The following PCDHGA6 variants were observed in gnomAD, a reference collection of about 807,000 sequenced individuals.
PCDHGA6 encodes protocadherin gamma subfamily A, 6, also known as protocadherin gamma-A6.
A neutral mutation model predicts 60.6 loss-of-function variants in PCDHGA6; 41 were observed. That is an observed-to-expected ratio of 0.68 (90% confidence interval 0.53 to 0.88). The LOEUF (loss-of-function observed/expected upper bound fraction) is 0.88. Ranked by LOEUF, PCDHGA6 falls within the 40% of genes least tolerant of loss-of-function variation. The pLI is 0.00. For missense variants in PCDHGA6, 1,312 were observed against 1,203.0 expected (o/e 1.09, Z -1.34); for synonymous variants, 594 against 524.4 (o/e 1.13, Z -1.81).
At chr5:141,475,992 C>A in intron 1 of PCDHGA6, 1 of 1,158,844 alleles carries the variant, frequency 8.6e-7, no homozygotes, top group Non-Finnish European at 1.2e-6. Context: ...GCGAGCAAAT[C>A]AACGGCATCC....
rs754728562 is a variant in PCDHGA6, at chr5:141,489,487, G to A, written c.2425-5320G>A. 6.2e-7 allele frequency: 1 copy of A among 1,613,942 alleles called. No individual in the cohort carries two copies. On this transcript the variant is annotated intron_variant, in intron 1 of 3. Coordinates refer to ENST00000517434, the MANE Select transcript of PCDHGA6 (RefSeq NM_018919.3). This position sits in a 1 kb window ranked among gnomAD's most constrained non-coding sequence, Gnocchi z 4.5. The stretch of plus-strand genomic sequence containing the variant: ...TTTTTCCCTGAGCTTGATGAGTGGT[G>A]CCCTGGCAGTGAATCAAAAGATTGA...
In PCDHGA6 at chr5:141,476,650, A is replaced by G. The variant is rs2099395609; in HGVS notation, c.2425-18157A>G. 6.2e-7 allele frequency: 1 copy of G among 1,614,126 alleles called. No individual in the cohort carries two copies. The highest frequency in any genetic ancestry group is 1.3e-5 in the African/African-American group (1 of 74,952). On this transcript the variant is annotated intron_variant, in intron 1 of 3. Transcript: ENST00000517434. This position sits in a 1 kb window ranked among gnomAD's most constrained non-coding sequence, Gnocchi z 7.6. Reference sequence around the variant, plus strand: ...AAACCTATGAGCTGAGCCGAAATGAATACTTTGCGCTTCGCGTGCAGACGC... The same window carrying G: ...AAACCTATGAGCTGAGCCGAAATGAGTACTTTGCGCTTCGCGTGCAGACGC...
chr5:141,404,736 A>G, intron 1 of PCDHGA6: 1 of 1,613,622 alleles, frequency 6.2e-7, no homozygotes, highest in Non-Finnish European at 8.5e-7. Context: ...GTGGCAGTGG[A>G]CAGAGACTCA....
At chr5:141,434,453 T>C (rs1172243323) in intron 1 of PCDHGA6, among the ~76,000 whole-genome samples, 1 of 152,226 alleles carries the variant, frequency 6.6e-6, no homozygotes, top group Non-Finnish European at 1.5e-5. Context: ...TGGAAGGTAG[T>C]GGGTTTACCG....
chr5:141,389,721 G>C (rs1477842058), intron 1 of PCDHGA6: 7 of 1,612,620 alleles, frequency 4.3e-6, no homozygotes, highest in Non-Finnish European at 5.1e-6. Context: ...TAGCGAGCCC[G>C]GGCTCTTCAG....
Position 141,490,743 on chromosome 5 carries a change from C to T in PCDHGA6, c.2425-4064C>T, listed in dbSNP as rs1011278142. 7.4e-6 allele frequency: 12 copies of T among 1,614,058 alleles called. No homozygotes were observed. The highest frequency in any genetic ancestry group is 1.0e-5 in the Non-Finnish European group (12 of 1,180,038). On this transcript the variant is annotated intron_variant, in intron 1 of 3. Transcript: ENST00000517434. This position sits in a 1 kb window ranked among gnomAD's most constrained non-coding sequence, Gnocchi z 5.4. ...TTGTAGGAAATCAGGTTCAGGGAGC[C>T]CCAGCCTCCTCCTTTGTGTATGTCA...
chr5:141,399,355 C>A (rs1437917208), intron 1 of PCDHGA6: 1 of 1,614,006 alleles, frequency 6.2e-7, no homozygotes, highest in South Asian at 1.1e-5. Flanking sequence ...AGACCGAGAG[C>A]AAACCCCGGA....
chr5:141,508,527 GCACC>G (rs2099869479), intron 3 of PCDHGA6, among the ~76,000 whole-genome samples: 1 of 152,104 alleles, frequency 6.6e-6, no homozygotes, highest in Non-Finnish European at 1.5e-5. Flanking sequence ...CAACCTCAGG[GCACC>G]CCCCACGAGG....
At position 141,383,035 on chromosome 5, in the gene PCDHGA6, G is replaced by A. The variant is rs550075608; in HGVS notation, c.2424+6528G>A. ...GGAGACGGACAAAGGGTCCTTTGTG[G>A]GAGACATCGCCAAGGACCTGGGGCT... On this transcript the variant is annotated intron_variant, in intron 1 of 3. Coordinates refer to ENST00000517434, the MANE Select transcript of PCDHGA6 (RefSeq NM_018919.3). 3.1e-6 allele frequency: 5 copies of A among 1,613,882 alleles called. No individual in the cohort carries two copies. In the South Asian group the frequency reaches 5.5e-5, roughly 18 times the overall value.
chr5:141,415,409 TG>T (rs763291157), intron 1 of PCDHGA6: 1 of 1,614,208 alleles, frequency 6.2e-7, no homozygotes, highest in Non-Finnish European at 8.5e-7. Context: ...TCGCACTTTG[TG>T]GGCGTGGACG....
intron 1 of PCDHGA6, chr5:141,410,252 C>T (rs3749768): frequency 0.048 from 77,060 of 1,613,996 alleles, 2,017 homozygotes; most frequent in South Asian, 0.077. Flanking sequence ...ACTCTCTGAC[C>T]CCCAGGCTGA....
intron 1 of PCDHGA6, among the ~76,000 whole-genome samples, chr5:141,484,544 A>G (rs1160398392): frequency 6.6e-6 from 1 of 152,144 alleles, no homozygotes; most frequent in Non-Finnish European, 1.5e-5. Flanking sequence ...CAGTGGTTCT[A>G]ATTAGCAGTT....
chr5:141,422,136 AGTACGGGG>A (rs772818860), intron 1 of PCDHGA6: 9 of 1,588,992 alleles, frequency 5.7e-6, no homozygotes, highest in Non-Finnish European at 7.7e-6. Flanking sequence ...GAGAAGTTCA[AGTACGGGG>A]GTCTCTGGAT....
intron 1 of PCDHGA6, among the ~76,000 whole-genome samples, chr5:141,466,826 G>A (rs978548667): frequency 1.2e-4 from 18 of 152,056 alleles, no homozygotes; most frequent in Admixed American, 8.5e-4. Flanking sequence ...TAACAAGTTA[G>A]TATGGGTTTA....
chr5:141,409,848 G>C (rs149920059), intron 1 of PCDHGA6: 7 of 1,611,904 alleles, frequency 4.3e-6, no homozygotes, highest in Non-Finnish European at 5.9e-6. Context: ...GTGAGCCTGC[G>C]CGTGTTGGTG....
chr5:141,481,362 A>G (rs2099536613), intron 1 of PCDHGA6, among the ~76,000 whole-genome samples: 1 of 152,252 alleles, frequency 6.6e-6, no homozygotes, highest in African/African-American at 2.4e-5. Context: ...CAGCTGTTCA[A>G]TAGATATTGG....
At chr5:141,459,568 CAG>C (rs930633590) in intron 1 of PCDHGA6, among the ~76,000 whole-genome samples, 1 of 152,152 alleles carries the variant, frequency 6.6e-6, no homozygotes, top group Non-Finnish European at 1.5e-5. Context: ...TACCCCAAAA[CAG>C]AATTGTTTTG....
At chr5:141,453,552 A>G (rs1005017830) in intron 1 of PCDHGA6, among the ~76,000 whole-genome samples, 2 of 152,188 alleles carry the variant, frequency 1.3e-5, no homozygotes, top group Non-Finnish European at 2.9e-5. Flanking sequence ...CACACTCTGT[A>G]GATAATCGAT....
intron 1 of PCDHGA6, among the ~76,000 whole-genome samples, chr5:141,381,832 T>C (rs1244036161): frequency 1.7e-4 from 23 of 135,134 alleles, no homozygotes; most frequent in African/African-American, 6.3e-4. Context: ...TCTTCTTTTT[T>C]TTTTTTTTTT....
Sources: allele counts gnomAD v4.1 joint callset (sites outside exome capture counted in the v4.1 genomes callset), GRCh38; gene constraint gnomAD v4.1.1; non-coding constraint Gnocchi (gnomAD v3.1); transcripts MANE v1.5; gene names NCBI Gene and HGNC (gene_info 2026-07-23, HGNC 2026-07-21).